The following ESYT2 variants were observed in gnomAD, a reference collection of about 807,000 sequenced individuals.
ESYT2 encodes extended synaptotagmin 2, also known as extended synaptotagmin-2.
In ESYT2, 54 loss-of-function variants were observed where a neutral mutation model predicts 107.2. That is an observed-to-expected ratio of 0.50 (90% CI 0.40 to 0.63). The LOEUF is 0.63. ESYT2 is among the 30% of genes least tolerant of loss of function. The pLI, the probability that ESYT2 is intolerant of heterozygous loss-of-function variation, is 0.00. For synonymous variants in ESYT2, 491 were observed against 434.1 expected, an observed-to-expected ratio of 1.13 and a Z score of -1.63; for missense variants, 1,020 against 1,094.5, an observed-to-expected ratio of 0.93 and a Z score of 0.96.
chr7:158,797,013 AGGGCAC>A (rs774800563), intron 3 of ESYT2, among the ~76,000 whole-genome samples: 2,251 of 11,832 alleles, frequency 0.19, 34 homozygotes, highest in Non-Finnish European at 0.32. Flanking sequence ...CAGACGGGAA[AGGGCAC>A]TGCAGGCGAG....
chr7:158,741,432 C>G (rs1158489998), intron 18 of ESYT2, 91 bp downstream of exon 18: 5 of 1,486,264 alleles, frequency 3.4e-6, no homozygotes, highest in South Asian at 1.4e-5. Flanking sequence ...ATGCCGGCCT[C>G]ATGCTCTGCT....
intron 1 of ESYT2, among the ~76,000 whole-genome samples, chr7:158,800,054 ATTTT>A (rs34029280): frequency 1.4e-5 from 2 of 145,316 alleles, no homozygotes; most frequent in African/African-American, 5.1e-5. Flanking sequence ...TGGCCTCTTA[ATTTT>A]TTTTTTTTTT....
intron 1 of ESYT2, 146 bp downstream of exon 1, chr7:158,828,943 T>TG: frequency 7.7e-7 from 1 of 1,298,526 alleles, no homozygotes. Flanking sequence ...CCGGGGTGGG[T>TG]GGGGGACTAC....
At chr7:158,761,474 C>T in intron 11 of ESYT2, 22 bp downstream of exon 11, 1 of 1,613,332 alleles carries the variant, frequency 6.2e-7, no homozygotes, top group Non-Finnish European at 8.5e-7. Flanking sequence ...TGTAAACAGA[C>T]CCACACTCCA....
chr7:158,731,889 C>T lies in ESYT2; in HGVS notation c.*2318G>A, dbSNP rs1304097810. On this transcript the variant is annotated 3_prime_UTR_variant, in exon 23 of 23. Coordinates refer to ENST00000275418, the MANE Select transcript of ESYT2 (RefSeq NM_001367773.1). ...TGTGGCCTCGATGGTGGCTTCACTCCTCCACATCTGGGAGGCACTTCAGTG... is the reference window on the plus strand; with the variant it reads ...TGTGGCCTCGATGGTGGCTTCACTCTTCCACATCTGGGAGGCACTTCAGTG... 2 of 152,402 alleles carry T rather than the reference C, an allele frequency of 1.3e-5. No homozygotes were observed. Among genetic ancestry groups the T allele is most frequent in the Non-Finnish European group, 2.9e-5 (2 of 68,036 alleles). 9.4% of individuals were successfully genotyped at this position (152,402 alleles called of 1,614,324 possible). A position where few individuals can be genotyped will look rare whatever the true frequency, so the allele number is the denominator to read the frequency against.
rs768544585 is a variant in ESYT2 at position 158,760,040 on chromosome 7, CA to C, written c.1323+17del. 6.2e-7 allele frequency: 1 copy of C among 1,613,242 alleles called. No homozygotes were observed. ...TAGTTGGTTAGGTAGTTTTCAAGAGCACATGCTTCAACAGCACCTTGTCGAG... is the reference window on the plus strand; with the variant it reads ...TAGTTGGTTAGGTAGTTTTCAAGAGCCATGCTTCAACAGCACCTTGTCGAG... On this transcript the variant is annotated intron_variant, in intron 12 of 22. Transcript: ENST00000275418.
At chr7:158,787,579 T>C (rs920077450) in intron 6 of ESYT2, among the ~76,000 whole-genome samples, 4 of 152,230 alleles carry the variant, frequency 2.6e-5, no homozygotes, top group African/African-American at 9.6e-5. Context: ...ACTGGATCTG[T>C]ATACAGGCTC....
At chr7:158,738,364 C>G (rs919052114) in intron 19 of ESYT2, among the ~76,000 whole-genome samples, 3 of 150,142 alleles carry the variant, frequency 2.0e-5, no homozygotes, top group African/African-American at 7.4e-5. Flanking sequence ...CACACACACA[C>G]ACACACACAC....
At chr7:158,734,509 C>G in intron 21 of ESYT2, 38 bp from the exon 22 acceptor site, 1 of 1,583,394 alleles carries the variant, frequency 6.3e-7, no homozygotes, top group Non-Finnish European at 8.6e-7. Flanking sequence ...GTAGGCTGGG[C>G]TGGGGGCACT....
At chr7:158,781,977 T>A (rs1185228693) in intron 6 of ESYT2, among the ~76,000 whole-genome samples, 4 of 19,574 alleles carry the variant, frequency 2.0e-4, no homozygotes, top group Non-Finnish European at 5.2e-4. Context: ...GAGAACAAAG[T>A]GTGAGATGTG....
At chr7:158,734,826 CT>C (rs1288179154) in intron 21 of ESYT2, among the ~76,000 whole-genome samples, 8 of 152,182 alleles carry the variant, frequency 5.3e-5, no homozygotes, top group African/African-American at 1.7e-4. Context: ...AAGACAATGT[CT>C]TTTAGATCTT....
chr7:158,782,247 A>C (rs1301258959), intron 6 of ESYT2, among the ~76,000 whole-genome samples: 1 of 147,072 alleles, frequency 6.8e-6, no homozygotes, highest in Non-Finnish European at 1.5e-5. Flanking sequence ...ACGAGTGAGA[A>C]TGAGTGAACA....
intron 1 of ESYT2, among the ~76,000 whole-genome samples, chr7:158,816,654 A>G (rs1183201205): frequency 6.6e-6 from 1 of 152,194 alleles, no homozygotes; most frequent in East Asian, 1.9e-4. Flanking sequence ...ACTTTGTCAC[A>G]GGCGCCCTAA....
At chr7:158,760,886 T>TGAAC (rs1270796741) in intron 11 of ESYT2, among the ~76,000 whole-genome samples, 1 of 152,230 alleles carries the variant, frequency 6.6e-6, no homozygotes, top group Non-Finnish European at 1.5e-5. Context: ...CAATGAATGC[T>TGAAC]GAACACTCAA....
At chr7:158,738,843 T>C (rs1290224488) in intron 19 of ESYT2, among the ~76,000 whole-genome samples, 180 bp downstream of exon 19, 3 of 152,254 alleles carry the variant, frequency 2.0e-5, no homozygotes, top group Admixed American at 1.3e-4. Flanking sequence ...AACGTTGTCA[T>C]GTGACATACG....
intron 16 of ESYT2, chr7:158,743,944 C>T (rs1026179071): frequency 6.3e-5 from 19 of 299,298 alleles, no homozygotes; most frequent in African/African-American, 3.9e-4. Flanking sequence ...CATGGTGGCG[C>T]GCACCTGTAG....
chr7:158,810,424 T>C (rs1454240378), intron 1 of ESYT2, among the ~76,000 whole-genome samples: 1 of 152,222 alleles, frequency 6.6e-6, no homozygotes, highest in Non-Finnish European at 1.5e-5. Flanking sequence ...CTCACATCTG[T>C]AATCCCAGCA....
At chr7:158,756,642 C>T (rs552438301) in intron 13 of ESYT2, among the ~76,000 whole-genome samples, 4 of 152,262 alleles carry the variant, frequency 2.6e-5, no homozygotes, top group South Asian at 4.1e-4. Context: ...GGCATGGTGG[C>T]TCACACCTGT....
chr7:158,748,061 G>A, intron 16 of ESYT2, 133 bp downstream of exon 16: 3 of 764,280 alleles, frequency 3.9e-6, no homozygotes, highest in South Asian at 1.8e-5. Context: ...CCGGGTTACA[G>A]AGAGATCTAC....
Sources: allele counts gnomAD v4.1 joint callset (sites outside exome capture counted in the v4.1 genomes callset), GRCh38; gene constraint gnomAD v4.1.1; transcripts MANE v1.5; gene names NCBI Gene and HGNC (gene_info 2026-07-23, HGNC 2026-07-21).